CNTNAP2: variants seen among roughly 807,000 people sequenced by gnomAD.
The protein encoded by CNTNAP2 is contactin associated protein 2.
In CNTNAP2, 98 loss-of-function variants were observed where a neutral mutation model predicts 155.2. The observed-to-expected ratio is 0.63, with a 90% CI of 0.54 to 0.75. The LOEUF is 0.75. CNTNAP2 is among the 30% of genes least tolerant of loss of function. CNTNAP2 has a pLI of 0.00. For synonymous variants in CNTNAP2, 651 were observed against 631.2 expected (o/e 1.03, Z -0.47); for missense variants, 1,727 against 1,688.1 (o/e 1.02, Z -0.40).
rs540428549 is a variant in CNTNAP2, at chr7:147,856,365, T to A, written c.2099-47200T>A. Among the ~76,000 whole-genome samples, 172 of 152,334 alleles carry A rather than the reference T, an allele frequency of 1.1e-3. 1 individual carries two copies. Among genetic ancestry groups the A allele is most frequent in the Non-Finnish European group, 1.9e-3 (128 of 68,036 alleles). On this transcript the variant is annotated intron_variant, in intron 13 of 23. Transcript: ENST00000361727. The stretch of plus-strand genomic sequence containing the variant: ...CTCATGTGTGCCCTGGCACTTTTCC[T>A]ATCTCACTAATCGCCCTTCTCATAT...
chr7:147,899,262 T>C (rs1922881), intron 13 of CNTNAP2, among the ~76,000 whole-genome samples: 100,625 of 152,006 alleles, frequency 0.66, 33,567 homozygotes, highest in Middle Eastern at 0.76. Context: ...ATGGCTTGAG[T>C]CCAGGAGGTC....
intron 1 of CNTNAP2, among the ~76,000 whole-genome samples, chr7:146,685,069 G>A (rs1171436913): frequency 6.6e-6 from 1 of 152,036 alleles, no homozygotes; most frequent in Non-Finnish European, 1.5e-5. Flanking sequence ...AAACAAGAAT[G>A]ATGCACAGGT....
intron 13 of CNTNAP2, among the ~76,000 whole-genome samples, chr7:147,830,322 T>C (rs1172340624): frequency 6.6e-6 from 1 of 152,052 alleles, no homozygotes; most frequent in Non-Finnish European, 1.5e-5. Flanking sequence ...TTTCTAGCTG[T>C]GACTTTTCAT....
intron 3 of CNTNAP2, among the ~76,000 whole-genome samples, chr7:146,857,108 A>T (rs1411191459): frequency 6.6e-6 from 1 of 152,156 alleles, no homozygotes; most frequent in Non-Finnish European, 1.5e-5. Context: ...TTTGTATGAA[A>T]TGTACACTAT....
At chr7:146,884,358 C>G (rs1795613946) in intron 3 of CNTNAP2, among the ~76,000 whole-genome samples, 1 of 152,106 alleles carries the variant, frequency 6.6e-6, no homozygotes, top group Non-Finnish European at 1.5e-5. Context: ...TACATTGCAG[C>G]TAAAATTGGA....
chr7:146,534,052 A>G (rs1413607761), intron 1 of CNTNAP2, among the ~76,000 whole-genome samples: 2 of 152,134 alleles, frequency 1.3e-5, no homozygotes, highest in East Asian at 3.9e-4. Context: ...GTCATTTTAG[A>G]TGGTATAAGT....
At chr7:146,577,115 A>G (rs192782287) in intron 1 of CNTNAP2, among the ~76,000 whole-genome samples, 1 of 152,142 alleles carries the variant, frequency 6.6e-6, no homozygotes, top group Non-Finnish European at 1.5e-5. Flanking sequence ...TTCTTATTAC[A>G]TTATTTTTAT....
At chr7:147,804,689 G>A (rs1465038162) in intron 13 of CNTNAP2, among the ~76,000 whole-genome samples, 3 of 151,988 alleles carry the variant, frequency 2.0e-5, no homozygotes, top group Admixed American at 6.6e-5. Flanking sequence ...GAATAGCTGG[G>A]GTTATAGGCA....
chr7:146,175,627 A>C (rs1449461643), intron 1 of CNTNAP2, among the ~76,000 whole-genome samples: 2 of 152,174 alleles, frequency 1.3e-5, no homozygotes, highest in African/African-American at 4.8e-5. Context: ...ATGACTGAAA[A>C]CCATTAAGAA....
intron 14 of CNTNAP2, among the ~76,000 whole-genome samples, chr7:147,933,538 T>TAGATAGAC (rs749953698): frequency 1.0e-5 from 1 of 99,176 alleles, no homozygotes; most frequent in Admixed American, 1.3e-4. Context: ...GATAGATAGA[T>TAGATAGAC]AGATATAACA....
intron 2 of CNTNAP2, among the ~76,000 whole-genome samples, chr7:146,836,083 TATATG>T (rs1803611242): frequency 6.6e-6 from 1 of 152,124 alleles, no homozygotes; most frequent in African/African-American, 2.4e-5. Context: ...AAGTGTGAAT[TATATG>T]ATAATAGAAA....
At chr7:147,083,155 C>T (rs551944089) in intron 4 of CNTNAP2, 14 of 152,158 alleles carry the variant, frequency 9.2e-5, no homozygotes, top group African/African-American at 2.9e-4. Context: ...AAAAGAGAGT[C>T]GCTTCCCTTG....
chr7:146,874,176 A>G (rs965961864), intron 3 of CNTNAP2, among the ~76,000 whole-genome samples: 1 of 152,164 alleles, frequency 6.6e-6, no homozygotes, highest in Non-Finnish European at 1.5e-5. Flanking sequence ...AGGAACTTGT[A>G]TATAAAAGAT....
At chr7:147,050,352 A>G (rs1398521383) in intron 4 of CNTNAP2, among the ~76,000 whole-genome samples, 3 of 152,236 alleles carry the variant, frequency 2.0e-5, no homozygotes, top group Admixed American at 6.5e-5. Flanking sequence ...GATGGCAAAT[A>G]CTTAATTAGT....
At chr7:147,146,015 A>T (rs567672300) in intron 8 of CNTNAP2, among the ~76,000 whole-genome samples, 2 of 152,346 alleles carry the variant, frequency 1.3e-5, no homozygotes, top group African/African-American at 4.8e-5. Context: ...TCATTAGTAG[A>T]TGCAAACATA....
chr7:147,730,520 G>A (rs912314910), intron 13 of CNTNAP2, among the ~76,000 whole-genome samples: 5 of 151,910 alleles, frequency 3.3e-5, no homozygotes, highest in Admixed American at 6.6e-5. Context: ...AACTCTGCCC[G>A]TACAAGACAA....
At chr7:146,540,380 T>C (rs1797932765) in intron 1 of CNTNAP2, among the ~76,000 whole-genome samples, 1 of 152,038 alleles carries the variant, frequency 6.6e-6, no homozygotes, top group African/African-American at 2.4e-5. Flanking sequence ...GAGATTACTC[T>C]GGTATCATTC....
chr7:148,361,085 G>A (rs1798610778), intron 21 of CNTNAP2, among the ~76,000 whole-genome samples: 1 of 152,142 alleles, frequency 6.6e-6, no homozygotes, highest in South Asian at 2.1e-4. Flanking sequence ...TGGGATTACA[G>A]GCATGAGCCA....
At chr7:146,322,634 C>CTTTTTTTTTTTTATTTTTTTTTTTTTTTT (rs1801025555) in intron 1 of CNTNAP2, among the ~76,000 whole-genome samples, 1 of 64,964 alleles carries the variant, frequency 1.5e-5, no homozygotes, top group African/African-American at 5.6e-5. Context: ...TGTTCATTCT[C>CTTTTTTTTTTTTATTTTTTTTTTTTTTTT]TTTTTTTTTT....
Sources: allele counts gnomAD v4.1 joint callset (sites outside exome capture counted in the v4.1 genomes callset), GRCh38; gene constraint gnomAD v4.1.1; transcripts MANE v1.5; gene names NCBI Gene and HGNC (gene_info 2026-07-23, HGNC 2026-07-21).